The following SHISA9 variants were observed in gnomAD, a reference collection of about 807,000 sequenced individuals.
SHISA9 encodes protein shisa-9.
Under a neutral mutation model 38.0 loss-of-function variants are expected in SHISA9, and 13 were observed. That is an observed-to-expected ratio of 0.34 (90% CI 0.22 to 0.54). The LOEUF is 0.54. Ranked by LOEUF, SHISA9 falls within the 20% of genes least tolerant of loss-of-function variation. The probability of loss-of-function intolerance (pLI) is 0.91; values close to 1 mark genes in which losing one functional copy is unlikely to be tolerated. For missense variants in SHISA9, 538 were observed against 575.8 expected, an observed-to-expected ratio of 0.93 and a Z score of 0.67; for synonymous variants, 275 against 242.0, an observed-to-expected ratio of 1.14 and a Z score of -1.27.
At chr16:13,355,613 G>C in the SHISA9 span, among the ~76,000 whole-genome samples, 270 of 152,272 alleles carry the variant, frequency 1.8e-3, 1 homozygote, top group African/African-American at 6.1e-3. Flanking sequence ...TGGCACCAGA[G>C]TTGGGGAGTT....
At chr16:12,949,362 C>G (rs2071726366) in intron 2 of SHISA9, among the ~76,000 whole-genome samples, 1 of 152,190 alleles carries the variant, frequency 6.6e-6, no homozygotes, top group African/African-American at 2.4e-5. Flanking sequence ...TGGGGTTGGC[C>G]TTTTATTTTT....
At chr16:13,019,867 C>CTTT (rs1567183976) in intron 2 of SHISA9, among the ~76,000 whole-genome samples, 6 of 31,018 alleles carry the variant, frequency 1.9e-4, no homozygotes, top group East Asian at 2.1e-3. Flanking sequence ...TCCCTCCCTC[C>CTTT]CTCCCTCCCT....
chr16:13,188,375 T>C (rs16961344), intron 2 of SHISA9, among the ~76,000 whole-genome samples: 22,729 of 152,082 alleles, frequency 0.15, 1,982 homozygotes, highest in Middle Eastern at 0.23. Context: ...TGAGGCTAAG[T>C]ACTGGAAATG....
At chr16:13,099,374 A>G (rs146159403) in intron 2 of SHISA9, among the ~76,000 whole-genome samples, 143 of 152,332 alleles carry the variant, frequency 9.4e-4, no homozygotes, top group Non-Finnish European at 1.5e-3. Flanking sequence ...ACTAGATAAT[A>G]TATAAGAAGG....
intron 2 of SHISA9, among the ~76,000 whole-genome samples, chr16:13,070,146 GT>G (rs1567201834): frequency 6.6e-6 from 1 of 151,854 alleles, no homozygotes; most frequent in African/African-American, 2.4e-5. Flanking sequence ...GTGTGTGTGT[GT>G]GTGTGTGCAC....
the SHISA9 span, among the ~76,000 whole-genome samples, chr16:13,408,742 G>A: frequency 7.9e-5 from 12 of 152,186 alleles, no homozygotes; most frequent in East Asian, 3.9e-4. Context: ...TCCTCTGTAC[G>A]TACATTTCTA....
intron 2 of SHISA9, among the ~76,000 whole-genome samples, chr16:13,029,529 G>A (rs1416603058): frequency 6.6e-6 from 1 of 152,180 alleles, no homozygotes; most frequent in African/African-American, 2.4e-5. Flanking sequence ...GGATCACTTG[G>A]GCCAGGAGGT....
At chr16:13,264,068 C>T in the SHISA9 span, among the ~76,000 whole-genome samples, 1 of 152,122 alleles carries the variant, frequency 6.6e-6, no homozygotes, top group African/African-American at 2.4e-5. Flanking sequence ...CTCATACCTC[C>T]TTCCCCAACA....
downstream of SHISA9, among the ~76,000 whole-genome samples, chr16:13,241,548 C>T (rs2051435555): frequency 6.6e-6 from 1 of 152,116 alleles, no homozygotes; most frequent in African/African-American, 2.4e-5. Context: ...CAGAGATGCA[C>T]CTACTGGTGA....
intron 2 of SHISA9, among the ~76,000 whole-genome samples, chr16:13,200,440 A>ACACACACAGCAG (rs201359350): frequency 6.7e-6 from 1 of 150,036 alleles, no homozygotes; most frequent in African/African-American, 2.5e-5. Flanking sequence ...ACACACACAC[A>ACACACACAGCAG]CAGCAGCAGC....
chr16:13,530,396 G>A, the SHISA9 span, among the ~76,000 whole-genome samples: 5 of 152,178 alleles, frequency 3.3e-5, no homozygotes, highest in African/African-American at 1.2e-4. Flanking sequence ...TTCCCCATAT[G>A]TAAGATTGAG....
At chr16:13,305,436 G>T in the SHISA9 span, among the ~76,000 whole-genome samples, 16 of 152,172 alleles carry the variant, frequency 1.1e-4, no homozygotes, top group African/African-American at 3.9e-4. Context: ...TAAACATAAT[G>T]CAGGAAAACT....
the SHISA9 span, among the ~76,000 whole-genome samples, chr16:13,367,712 G>GCGCGCGCGCACACA: frequency 4.8e-5 from 5 of 104,640 alleles, no homozygotes; most frequent in South Asian, 4.0e-4. Flanking sequence ...GCGCGCGCGC[G>GCGCGCGCGCACACA]CACACACACA....
At chr16:12,995,934 C>T (rs1204251557) in intron 2 of SHISA9, among the ~76,000 whole-genome samples, 6 of 152,144 alleles carry the variant, frequency 3.9e-5, no homozygotes, top group African/African-American at 1.4e-4. Flanking sequence ...TCTGATGGTG[C>T]TTCTTGAGTT....
chr16:13,337,388 G>T, the SHISA9 span, among the ~76,000 whole-genome samples: 87,407 of 151,844 alleles, frequency 0.58, 25,516 homozygotes, highest in Middle Eastern at 0.66. Context: ...CGTGTGAGAC[G>T]TGCCTTTCAC....
At chr16:13,416,774 GGGAAGGAAGGAAGGAAGGGAA>G in the SHISA9 span, among the ~76,000 whole-genome samples, 3 of 45,500 alleles carry the variant, frequency 6.6e-5, no homozygotes, top group Non-Finnish European at 1.4e-4. Context: ...AAGGAAGGAA[GGGAAGGAAGGAAGGAAGGGAA>G]GGAAGGAAGG....
chr16:13,436,105 C>T, the SHISA9 span, among the ~76,000 whole-genome samples: 3 of 152,260 alleles, frequency 2.0e-5, no homozygotes, highest in Admixed American at 6.5e-5. Context: ...AGAGTGACTC[C>T]GTCTTGAATA....
chr16:13,210,320 C>T (rs2051106117), intron 3 of SHISA9, among the ~76,000 whole-genome samples: 1 of 152,146 alleles, frequency 6.6e-6, no homozygotes, highest in South Asian at 2.1e-4. Context: ...ACCAAAGATT[C>T]ATGATCATGT....
At chr16:13,025,819 G>T (rs529042918) in intron 2 of SHISA9, among the ~76,000 whole-genome samples, 5 of 150,890 alleles carry the variant, frequency 3.3e-5, no homozygotes, top group East Asian at 2.0e-4. Flanking sequence ...CATTTTTTTT[G>T]GGGGGGATGG....
Sources: allele counts gnomAD v4.1 joint callset (sites outside exome capture counted in the v4.1 genomes callset), GRCh38; gene constraint gnomAD v4.1.1; transcripts MANE v1.5; gene names NCBI Gene and HGNC (gene_info 2026-07-23, HGNC 2026-07-21).